GRB14: variants seen among roughly 807,000 people sequenced by gnomAD.
GRB14 encodes the protein growth factor receptor-bound protein 14.
In GRB14, 38 loss-of-function variants were observed where a neutral mutation model predicts 69.1. The ratio of observed to expected loss-of-function variants is 0.55; its 90% confidence interval spans 0.42 to 0.72. The LOEUF is 0.72. Among genes scored for constraint, GRB14 ranks in the 30% least tolerant of loss-of-function variants. GRB14 has a pLI of 0.00. For missense variants in GRB14, 666 were observed against 666.1 expected (o/e 1.00, Z 0.00); for synonymous variants, 247 against 241.3 (o/e 1.02, Z -0.22).
chr2:164,580,165 C>G (rs1011688680), intron 2 of GRB14, among the ~76,000 whole-genome samples: 3 of 150,860 alleles, frequency 2.0e-5, no homozygotes, highest in African/African-American at 7.3e-5. Flanking sequence ...CGTGGTCTCG[C>G]CTCACTGCAA....
chr2:164,599,036 C>T (rs139703391), intron 2 of GRB14, among the ~76,000 whole-genome samples: 2 of 152,290 alleles, frequency 1.3e-5, no homozygotes, highest in Non-Finnish European at 2.9e-5. Context: ...AGGTCACTTT[C>T]CCTAAAAGGC....
chr2:164,502,003 A>G (rs1687064839), intron 9 of GRB14, among the ~76,000 whole-genome samples: 1 of 151,816 alleles, frequency 6.6e-6, no homozygotes, highest in African/African-American at 2.4e-5. Flanking sequence ...AATATTTAAA[A>G]CTTTAACATA....
Position 164,560,083 on chromosome 2 carries a change from A to G in GRB14, c.325-12267T>C, listed in dbSNP as rs1688781760. On this transcript the variant is annotated intron_variant, in intron 2 of 13. Transcript: ENST00000263915. Reference sequence around the variant, plus strand: ...AGCTGGAGTCTTGACCTGCTCAAGGACCTCCAAATGGTCACCAGCTGAGCC... The same window carrying G: ...AGCTGGAGTCTTGACCTGCTCAAGGGCCTCCAAATGGTCACCAGCTGAGCC... 3.3e-5 allele frequency among the ~76,000 whole-genome samples: 5 copies of G among 151,990 alleles called. No individual in the cohort carries two copies. In the South Asian group the frequency reaches 1.0e-3, roughly 32 times the overall value.
intron 2 of GRB14, among the ~76,000 whole-genome samples, chr2:164,618,672 T>C (rs1414764749): frequency 2.0e-5 from 3 of 152,198 alleles, no homozygotes; most frequent in Non-Finnish European, 4.4e-5. Flanking sequence ...CTCTATCATT[T>C]CTGTATATGA....
chr2:164,503,546 T>C (rs966105680), intron 8 of GRB14, among the ~76,000 whole-genome samples: 1 of 150,968 alleles, frequency 6.6e-6, no homozygotes, highest in African/African-American at 2.4e-5. Context: ...CCCACATTCA[T>C]TTAAAATTCT....
At chr2:164,493,292 T>G (rs2105251547) in intron 13 of GRB14, 110 bp from the exon 14 acceptor site, 1 of 908,380 alleles carries the variant, frequency 1.1e-6, no homozygotes, top group Non-Finnish European at 1.6e-6. Flanking sequence ...TTTATAAAAC[T>G]AAAAGACAGT....
At chr2:164,561,924 C>T (rs1688839019) in intron 2 of GRB14, among the ~76,000 whole-genome samples, 1 of 152,044 alleles carries the variant, frequency 6.6e-6, no homozygotes, top group Non-Finnish European at 1.5e-5. Context: ...AATGAAAAGG[C>T]CTGAGCATTA....
chr2:164,617,645 C>G (rs572933131), intron 2 of GRB14, among the ~76,000 whole-genome samples: 1 of 152,258 alleles, frequency 6.6e-6, no homozygotes, highest in East Asian at 1.9e-4. Context: ...CAACAAATCT[C>G]TCAGACACAG....
At chr2:164,620,652 C>G (rs190054124) in intron 1 of GRB14, among the ~76,000 whole-genome samples, 5 of 152,226 alleles carry the variant, frequency 3.3e-5, no homozygotes, top group Admixed American at 2.6e-4. Context: ...ATTGGGAAAC[C>G]CTTTAAAGCC....
intron 3 of GRB14, among the ~76,000 whole-genome samples, chr2:164,527,520 A>T (rs1417137463): frequency 1.3e-5 from 2 of 151,890 alleles, no homozygotes; most frequent in Non-Finnish European, 2.9e-5. Flanking sequence ...TCATGGTGCC[A>T]AAACTAAAGT....
At position 164,527,176 on chromosome 2, in the gene GRB14, AATATATATATATATATATAT is replaced by A. The variant is rs57531034; in HGVS notation, c.482-61_482-42del. 1,001 of 249,788 alleles carry A rather than the reference AATATATATATATATATATAT, an allele frequency of 4.0e-3. 1 individual carries two copies. The highest frequency in any genetic ancestry group is 4.5e-3 in the Middle Eastern group (3 of 664). The allele number at this position is 249,788 out of a possible 1,614,324, so 15.5% of individuals were successfully genotyped here. A position where few individuals can be genotyped will look rare whatever the true frequency, so the allele number is the denominator to read the frequency against. On this transcript the variant is annotated intron_variant, in intron 3 of 13. Coordinates refer to ENST00000263915, the MANE Select transcript of GRB14 (RefSeq NM_004490.3). ...CAATGAGTATGTTGACAGATAGACA[AATATATATATATATATATAT>A]ATATATATATATATATATATATATA...
chr2:164,510,694 G>A (rs1280676352), intron 6 of GRB14, among the ~76,000 whole-genome samples: 1 of 152,128 alleles, frequency 6.6e-6, no homozygotes, highest in Non-Finnish European at 1.5e-5. Flanking sequence ...ACCAAAATCA[G>A]ATGAGCACTC....
At chr2:164,609,066 T>C (rs763437752) in intron 2 of GRB14, among the ~76,000 whole-genome samples, 1 of 152,174 alleles carries the variant, frequency 6.6e-6, no homozygotes, top group South Asian at 2.1e-4. Context: ...ACTTTGGTAG[T>C]CCCCAAAATG....
At chr2:164,549,860 T>C (rs1688486486) in intron 2 of GRB14, among the ~76,000 whole-genome samples, 1 of 132,300 alleles carries the variant, frequency 7.6e-6, no homozygotes, top group Non-Finnish European at 1.6e-5. Context: ...TGAGACTCCA[T>C]CTAAAAATAA....
intron 2 of GRB14, among the ~76,000 whole-genome samples, chr2:164,589,632 G>A (rs1307471474): frequency 1.3e-5 from 2 of 152,026 alleles, no homozygotes; most frequent in African/African-American, 4.8e-5. Flanking sequence ...TCCCACTCAA[G>A]AAGGGCATTA....
intron 9 of GRB14, among the ~76,000 whole-genome samples, chr2:164,498,908 T>G (rs1041774567): frequency 1.3e-5 from 2 of 152,164 alleles, no homozygotes; most frequent in African/African-American, 4.8e-5. Flanking sequence ...AATCTTTCAT[T>G]TGTTACAGGA....
chr2:164,518,308 T>C (rs1319760093), intron 6 of GRB14, among the ~76,000 whole-genome samples: 1 of 152,072 alleles, frequency 6.6e-6, no homozygotes, highest in Admixed American at 6.6e-5. Flanking sequence ...ATGAAAAATT[T>C]CTCTGAACTG....
At chr2:164,501,148 C>G (rs1368949820) in intron 9 of GRB14, among the ~76,000 whole-genome samples, 2 of 152,064 alleles carry the variant, frequency 1.3e-5, no homozygotes, top group Non-Finnish European at 2.9e-5. Flanking sequence ...TAAAAATTCA[C>G]TGTGCCCCTT....
At chr2:164,558,231 C>T (rs1568506) in intron 2 of GRB14, among the ~76,000 whole-genome samples, 79,069 of 151,994 alleles carry the variant, frequency 0.52, 24,221 homozygotes, top group Non-Finnish European at 0.69. Flanking sequence ...TTTGGGCCTC[C>T]TTTCTTCCTA....
Sources: allele counts gnomAD v4.1 joint callset (sites outside exome capture counted in the v4.1 genomes callset), GRCh38; gene constraint gnomAD v4.1.1; transcripts MANE v1.5; gene names NCBI Gene and HGNC (gene_info 2026-07-23, HGNC 2026-07-21).